The following GCLC variants were observed in gnomAD, a reference collection of about 807,000 sequenced individuals.
GCLC encodes glutamate-cysteine ligase catalytic subunit.
GCLC carries 30 observed loss-of-function variants against 81.5 expected under a neutral mutation model. The ratio of observed to expected loss-of-function variants is 0.37; its 90% CI spans 0.28 to 0.50. GCLC has a LOEUF of 0.50. GCLC is among the 20% of genes least tolerant of loss of function. The pLI, the probability that GCLC is intolerant of heterozygous loss-of-function variation, is 0.96. For missense variants in GCLC, 556 were observed against 777.4 expected (o/e 0.72, Z 3.39); for synonymous variants, 262 against 273.3 (o/e 0.96, Z 0.41).
At chr6:53,527,310 A>G (rs761142) in intron 1 of GCLC, among the ~76,000 whole-genome samples, 1 of 151,974 alleles carries the variant, frequency 6.6e-6, no homozygotes, top group Non-Finnish European at 1.5e-5. Flanking sequence ...CTCTCTTGCA[A>G]TGGCCCAAAC....
intron 1 of GCLC, among the ~76,000 whole-genome samples, chr6:53,538,130 T>C (rs1467212576): frequency 1.4e-5 from 2 of 146,106 alleles, no homozygotes; most frequent in Admixed American, 1.5e-4. Flanking sequence ...TTTTCTTTTT[T>C]CTTTCCTTTT....
Position 53,498,682 on chromosome 6 carries a change from T to C in GCLC, c.*74A>G. The C allele has an allele frequency of 2.2e-6, 2 of 895,284 alleles. No individual in the cohort carries two copies. The highest frequency in any genetic ancestry group is 3.6e-6 in the Non-Finnish European group (2 of 556,566). 55.5% of individuals were successfully genotyped at this position (895,284 alleles called of 1,614,324 possible). On this transcript the variant is annotated 3_prime_UTR_variant, in exon 16 of 16. Transcript: ENST00000650454. ...GTTCTATCATTTGGTCTTCATATTATACACACGGGCTGGCTGAGAGGCATG... is the reference window on the plus strand; with the variant it reads ...GTTCTATCATTTGGTCTTCATATTACACACACGGGCTGGCTGAGAGGCATG...
chr6:53,538,775 T>C (rs962762972), intron 1 of GCLC, among the ~76,000 whole-genome samples: 1 of 152,242 alleles, frequency 6.6e-6, no homozygotes, highest in East Asian at 1.9e-4. Flanking sequence ...TGGACTTTTC[T>C]GCTAACTAGA....
intron 1 of GCLC, among the ~76,000 whole-genome samples, chr6:53,536,338 A>G (rs79209008): frequency 0.021 from 3,249 of 152,328 alleles, 121 homozygotes; most frequent in African/African-American, 0.075. Context: ...GCATGATGAC[A>G]TTTTTGGAGA....
At chr6:53,523,700 T>C (rs1004836843) in intron 1 of GCLC, among the ~76,000 whole-genome samples, 1 of 152,186 alleles carries the variant, frequency 6.6e-6, no homozygotes, top group Non-Finnish European at 1.5e-5. Context: ...TGTATTTCCC[T>C]GGTCTTGGAA....
chr6:53,500,402 T>C, intron 13 of GCLC, 30 bp downstream of exon 13: 1 of 1,604,712 alleles, frequency 6.2e-7, no homozygotes, highest in African/African-American at 1.3e-5. Context: ...CAGCATAAGC[T>C]GACATTAGAA....
intron 7 of GCLC, among the ~76,000 whole-genome samples, 174 bp downstream of exon 7, chr6:53,509,002 C>A (rs1764679917): frequency 6.6e-6 from 1 of 152,160 alleles, no homozygotes; most frequent in Non-Finnish European, 1.5e-5. Flanking sequence ...CAAGAGTAAA[C>A]TTCTACAGTG....
rs1180022470 is a variant in GCLC, at chr6:53,520,769, G to A, written c.446+9C>T. On this transcript the variant is annotated intron_variant, in intron 3 of 15. Transcript: ENST00000650454. ...AGATCTGCTGGGGCATGTTAATATAGGAACTAACCTGGGAAATGAAGTTAT... is the reference window on the plus strand; with the variant it reads ...AGATCTGCTGGGGCATGTTAATATAAGAACTAACCTGGGAAATGAAGTTAT... 1.2e-5 allele frequency: 20 copies of A among 1,610,646 alleles called. No individual in the cohort carries two copies. Among genetic ancestry groups the A allele is most frequent in the Non-Finnish European group, 1.5e-5 (18 of 1,176,864 alleles).
chr6:53,507,111 G>A, intron 9 of GCLC, 86 bp from the exon 10 acceptor site: 3 of 790,504 alleles, frequency 3.8e-6, no homozygotes, highest in Non-Finnish European at 6.7e-6. Context: ...GATAGCTCAG[G>A]AAGTTTGAAG....
At chr6:53,529,317 A>G (rs1481510582) in intron 1 of GCLC, among the ~76,000 whole-genome samples, 1 of 152,172 alleles carries the variant, frequency 6.6e-6, no homozygotes, top group Non-Finnish European at 1.5e-5. Context: ...CTGAATTTAC[A>G]TTGGTTGATT....
intron 1 of GCLC, among the ~76,000 whole-genome samples, chr6:53,528,257 T>C (rs1763116323): frequency 6.6e-6 from 1 of 152,202 alleles, no homozygotes; most frequent in Non-Finnish European, 1.5e-5. Flanking sequence ...TAAAATTACA[T>C]ATGGCTCAGA....
In GCLC at chr6:53,498,939, C is replaced by A. The variant is rs1764440731; in HGVS notation, c.1731G>T (p.Met577Ile). The change falls in exon 16 of 16, where the codon ATG becomes ATT. Residue 577 changes from methionine to isoleucine, a missense_variant. Physicochemically the swap from Met to Ile is conservative, Grantham distance 10. This residue lies in a region of GCLC where 313 missense variants were observed against 437.3 expected (regional missense o/e 0.72). Coordinates refer to ENST00000650454, the MANE Select transcript of GCLC (RefSeq NM_001498.4). ...CAGGATGGTTTGCGATAAACTCCCT[C>A]ATCCATCTGGCAACTGTCATTAGTT... ...SGELMTVARW[M>I]REFIANHPDY... 6.2e-7 allele frequency: 1 copy of A among 1,613,170 alleles called. No individual in the cohort carries two copies. Among genetic ancestry groups the A allele is most frequent in the Non-Finnish European group, 8.5e-7 (1 of 1,179,290 alleles).
At chr6:53,509,032 A>G in intron 7 of GCLC, 144 bp downstream of exon 7, 1 of 673,538 alleles carries the variant, frequency 1.5e-6, no homozygotes, top group South Asian at 1.7e-5. Flanking sequence ...AGTTCATTAT[A>G]CCTAAACCTA....
intron 1 of GCLC, among the ~76,000 whole-genome samples, chr6:53,526,797 C>CAAAA (rs58177984): frequency 9.3e-6 from 1 of 107,440 alleles, no homozygotes; most frequent in Non-Finnish European, 2.0e-5. Flanking sequence ...GACTCCGCCT[C>CAAAA]AAAAAAAAAA....
chr6:53,531,382 T>C (rs1763169866), intron 1 of GCLC, among the ~76,000 whole-genome samples: 1 of 152,120 alleles, frequency 6.6e-6, no homozygotes, highest in Non-Finnish European at 1.5e-5. Flanking sequence ...TAGTCAAAGG[T>C]GAAAGCTACT....
In GCLC at chr6:53,520,545, C is replaced by T. The variant is rs761141; in HGVS notation, c.446+233G>A. Among the ~76,000 whole-genome samples the T allele has an allele frequency of 0.2, 30,443 of 152,168 alleles. 3,130 individuals carry two copies. Among genetic ancestry groups the T allele is most frequent in the Non-Finnish European group, 0.24 (15,981 of 67,960 alleles). ...CATCACAGTATCCTGGTCTTTCCCA[C>T]TGAGCCCCCACTGAGTGCACTCACC... is the stretch of plus-strand genomic sequence containing the variant. On this transcript the variant is annotated intron_variant, in intron 3 of 15. Transcript: ENST00000650454.
chr6:53,516,046 A>T, intron 4 of GCLC, 63 bp downstream of exon 4: 1 of 955,218 alleles, frequency 1.0e-6, no homozygotes, highest in Non-Finnish European at 1.7e-6. Flanking sequence ...CAGAAATACT[A>T]TACTCTCAGA....
Position 53,500,065 on chromosome 6 carries a change from A to T in GCLC, c.1682T>A (p.Leu561Gln), listed in dbSNP as rs761088470. 1.2e-6 allele frequency: 2 copies of T among 1,602,166 alleles called. No homozygotes were observed. The highest frequency in any genetic ancestry group is 1.7e-6 in the Non-Finnish European group (2 of 1,169,210). ...TRCSILNYLK[L>Q]IKKRASGELM... is the part of the protein sequence containing the mutation. Reference sequence around the variant, plus strand: ...CATACCAGATGCTCTCTTCTTAATTAGCTTTAGGTAGTTCAGAATACTACA... The same window carrying T: ...CATACCAGATGCTCTCTTCTTAATTTGCTTTAGGTAGTTCAGAATACTACA... Residue 561 changes from leucine (L) to glutamine (Q), a missense_variant, in exon 15 of 16, where the codon CTA becomes CAA. Coordinates refer to ENST00000650454, the MANE Select transcript of GCLC (RefSeq NM_001498.4).
chr6:53,541,168 G>C (rs2127631820), intron 1 of GCLC, among the ~76,000 whole-genome samples: 1 of 152,254 alleles, frequency 6.6e-6, no homozygotes, highest in South Asian at 2.1e-4. Context: ...GGTGAGCCGA[G>C]ATCACGTCAT....
Sources: gnomAD v4.1 joint callset for allele counts (sites outside exome capture counted in the v4.1 genomes callset) on GRCh38, gnomAD v4.1.1 for gene constraint, gnomAD v4.1.1 regional missense constraint, MANE v1.5 for transcripts, NCBI Gene and HGNC (gene_info 2026-07-23, HGNC 2026-07-21) for gene names.